The following RP1 variants were observed in gnomAD, a reference collection of about 807,000 sequenced individuals.
The protein encoded by RP1 is RP1 axonemal microtubule associated.
Under a neutral mutation model 14.8 loss-of-function variants are expected in RP1, and 16 were observed. The ratio of observed to expected loss-of-function variants is 1.08; its 90% CI spans 0.73 to 1.65. RP1 has a LOEUF of 1.65. RP1 is among the 40% of genes most tolerant of loss of function. The probability of loss-of-function intolerance (pLI) is 0.00; values close to 1 mark genes in which losing one functional copy is unlikely to be tolerated. For synonymous variants in RP1, 876 were observed against 883.6 expected (o/e 0.99, Z 0.15); for missense variants, 2,631 against 2,535.0 (o/e 1.04, Z -0.81).
chr8:54,656,137 T>C (rs915772609), exon 6 of RP1: 6 of 1,535,478 alleles, frequency 3.9e-6, no homozygotes, highest in Non-Finnish European at 4.4e-6. Flanking sequence ...TGTTCAACGA[T>C]GGTTGGCACG....
At chr8:54,638,858 A>T (rs866960447) in intron 3 of RP1, among the ~76,000 whole-genome samples, 20 of 150,762 alleles carry the variant, frequency 1.3e-4, no homozygotes, top group African/African-American at 4.4e-4. Context: ...CCTCTGGAAT[A>T]ATTCCTTAAT....
At chr8:54,596,414 A>C (rs1265158075) in intron 1 of RP1, among the ~76,000 whole-genome samples, 1 of 152,186 alleles carries the variant, frequency 6.6e-6, no homozygotes, top group Non-Finnish European at 1.5e-5. Flanking sequence ...TCTCTTAGCT[A>C]TCCCATGACT....
At chr8:54,741,950 G>A (rs2129360027) in intron 19 of RP1, among the ~76,000 whole-genome samples, 1 of 151,270 alleles carries the variant, frequency 6.6e-6, no homozygotes, top group South Asian at 2.1e-4. Flanking sequence ...GCAGCTCTTT[G>A]ATTTAGGTAC....
downstream of RP1, among the ~76,000 whole-genome samples, chr8:54,773,016 C>T (rs1269566699): frequency 1.3e-5 from 2 of 152,112 alleles, no homozygotes; most frequent in African/African-American, 4.8e-5. Flanking sequence ...CCTTTTACTA[C>T]CACTTATTTG....
Position 54,726,693 on chromosome 8 carries a change from T to A in RP1, c.2521+217T>A, listed in dbSNP as rs1015600470. ...ATGTGTTTCTTTGTCTTAAATTTAA[T>A]GTTCACCCAGAACAATGAGTTGAAA... On this transcript the variant is annotated intron_variant, in intron 17 of 22. Coordinates refer to the RP1 transcript ENST00000636932. Among the ~76,000 whole-genome samples the A allele has an allele frequency of 3.9e-5, 6 of 152,072 alleles. No homozygotes were observed. In the East Asian group the frequency reaches 1.2e-3, roughly 29 times the overall value.
chr8:54,628,663 A>G lies in RP1; in HGVS notation c.4781A>G (p.Tyr1594Cys), dbSNP rs749707126. The G allele has an allele frequency of 1.1e-5, 17 of 1,613,998 alleles. No individual in the cohort carries two copies. The highest frequency in any genetic ancestry group is 9.3e-5 in the African/African-American group (7 of 74,936). The change falls in exon 4 of 4, where the codon TAT becomes TGT. Residue 1594 changes from tyrosine (Y) to cysteine (C), a missense_variant. Tyr to Cys is a radical substitution (Grantham distance 194). Transcript: ENST00000220676. ...CCAGTGACTTCTGATTGGTCAGACT[A>G]TCGGCCTGACAGTGACAGTGAGCAG... ...KSPVTSDWSD[Y>C]RPDSDSEQPY...
At chr8:54,638,880 T>TTCTC (rs56712955) in intron 3 of RP1, among the ~76,000 whole-genome samples, 7,511 of 120,196 alleles carry the variant, frequency 0.062, 459 homozygotes, top group African/African-American at 0.17. Flanking sequence ...TTTAATTTTC[T>TTCTC]TCTCTCTCTC....
At chr8:54,783,645 G>A in exon 24 of RP1, 1 of 1,231,460 alleles carries the variant, frequency 8.1e-7, no homozygotes, top group Non-Finnish European at 1.0e-6. Context: ...AAAATGTTCA[G>A]GTCCTATTAT....
At chr8:54,723,467 AT>A (rs1249538183) in intron 16 of RP1, among the ~76,000 whole-genome samples, 1 of 152,176 alleles carries the variant, frequency 6.6e-6, no homozygotes, top group Non-Finnish European at 1.5e-5. Context: ...AATACAAGTC[AT>A]TTATCCCACT....
intron 25 of RP1, among the ~76,000 whole-genome samples, chr8:54,842,131 A>G (rs896789667): frequency 6.6e-6 from 1 of 152,232 alleles, no homozygotes; most frequent in Admixed American, 6.5e-5. Context: ...TTTAGCCTTT[A>G]TCACAGTACT....
At chr8:54,765,551 A>T (rs1245207319) in intron 22 of RP1, among the ~76,000 whole-genome samples, 1 of 152,148 alleles carries the variant, frequency 6.6e-6, no homozygotes, top group South Asian at 2.1e-4. Context: ...AAAACATATT[A>T]TCCCCCTACC....
Position 54,629,552 on chromosome 8 carries a change from A to G in RP1, c.5670A>G (p.Pro1890=), listed in dbSNP as rs2129318319. 1.9e-6 allele frequency: 3 copies of G among 1,613,946 alleles called. No individual in the cohort carries two copies. The highest frequency in any genetic ancestry group is 4.5e-5 in the East Asian group (2 of 44,864). The part of the protein sequence containing the change: ...PVSDDAIKNQ[P]LPGSNMIHGT... ...CTGATGATGCTATTAAAAACCAACCATTGCCTGGCAGTAATATGATTCATG... is the reference window on the plus strand; with the variant it reads ...CTGATGATGCTATTAAAAACCAACCGTTGCCTGGCAGTAATATGATTCATG... The change falls in exon 4 of 4, where the codon CCA becomes CCG. Residue 1890 remains proline, a synonymous_variant. Coordinates refer to ENST00000220676, the MANE Select transcript of RP1 (RefSeq NM_006269.2).
At chr8:54,806,025 C>A (rs149943140) in intron 24 of RP1, among the ~76,000 whole-genome samples, 4,341 of 151,654 alleles carry the variant, frequency 0.029, 119 homozygotes, top group African/African-American at 0.064. Flanking sequence ...TTTTTATTTT[C>A]TTTTATTTTT....
At chr8:54,757,748 G>C (rs1423210939) in intron 21 of RP1, among the ~76,000 whole-genome samples, 1 of 152,190 alleles carries the variant, frequency 6.6e-6, no homozygotes, top group Non-Finnish European at 1.5e-5. Context: ...GGATCCAGAG[G>C]TCATGGGATG....
chr8:54,700,234 G>A lies in RP1; in HGVS notation c.1821+664G>A, dbSNP rs189231152. Among the ~76,000 whole-genome samples, 77 of 151,186 alleles carry A rather than the reference G, an allele frequency of 5.1e-4. No individual in the cohort carries two copies. The East Asian group carries it at 0.013, about 25-fold the overall frequency. On this transcript the variant is annotated intron_variant, in intron 13 of 22. Transcript: ENST00000636932. ...TAATTTTTTTTTTTTTTGAGACAAG[G>A]TCTTGCTCTGTTACCCAGGCTAGAG...
At chr8:54,817,533 G>A (rs141606601) in intron 24 of RP1, among the ~76,000 whole-genome samples, 6 of 152,310 alleles carry the variant, frequency 3.9e-5, no homozygotes, top group Non-Finnish European at 7.4e-5. Flanking sequence ...GAAACTGAAT[G>A]GGTGGAGTCA....
At chr8:54,608,372 C>T (rs1273393967) in intron 1 of RP1, among the ~76,000 whole-genome samples, 2 of 152,054 alleles carry the variant, frequency 1.3e-5, no homozygotes, top group Non-Finnish European at 1.5e-5. Context: ...ACTAGATGGT[C>T]ATGACGGTAT....
Position 54,701,493 on chromosome 8 carries a change from G to A in RP1, c.1829G>A (p.Gly610Asp), listed in dbSNP as rs767886425. The A allele has an allele frequency of 2.0e-6, 3 of 1,522,078 alleles. 1 individual carries two copies. In the South Asian group the frequency reaches 3.7e-5, roughly 19 times the overall value. 94.3% of individuals were successfully genotyped at this position (1,522,078 alleles called of 1,614,324 possible). A position where few individuals can be genotyped will look rare whatever the true frequency, so the allele number is the denominator to read the frequency against. Residue 610 changes from glycine (G) to aspartate (D), a missense_variant, in exon 14 of 23, where the codon GGT becomes GAT. Coordinates refer to the RP1 transcript ENST00000636932. ...TTTTGTTTTTCCTTTTAGGTTAGTG[G>A]TGAAGCCACCACTGAGCTGCGGGTG...
At chr8:54,670,131 T>C (rs1366425796) in intron 7 of RP1, among the ~76,000 whole-genome samples, 1 of 152,172 alleles carries the variant, frequency 6.6e-6, no homozygotes, top group Non-Finnish European at 1.5e-5. Context: ...CTAGTTTTGT[T>C]CCACCATGAT....
Sources: allele counts gnomAD v4.1 joint callset (sites outside exome capture counted in the v4.1 genomes callset), GRCh38; gene constraint gnomAD v4.1.1; transcripts MANE v1.5; gene names NCBI Gene and HGNC (gene_info 2026-07-23, HGNC 2026-07-21).